Variants in MYOM2 observed in about 807,000 individuals in gnomAD.
The protein encoded by MYOM2 is myomesin-2.
Under a neutral mutation model 187.6 loss-of-function variants are expected in MYOM2, and 254 were observed. The ratio of observed to expected loss-of-function variants is 1.35; its 90% CI spans 1.22 to 1.50. MYOM2 has a LOEUF of 1.50. Ranked by LOEUF, MYOM2 falls within the 40% of genes most tolerant of loss-of-function variation. MYOM2 has a pLI of 0.00. For synonymous variants in MYOM2, 981 were observed against 753.8 expected (o/e 1.30, Z -4.94); for missense variants, 2,796 against 1,924.0 (o/e 1.45, Z -8.48).
intron 17 of MYOM2, among the ~76,000 whole-genome samples, chr8:2,095,520 G>A (rs146620482): frequency 2.0e-4 from 30 of 152,166 alleles, no homozygotes; most frequent in Non-Finnish European, 3.5e-4. Flanking sequence ...TCAAACTCAG[G>A]AGCTTAAGCA....
At position 2,109,449 on chromosome 8, in the gene MYOM2, G is replaced by A. The variant is rs776234545; in HGVS notation, c.3098G>A (p.Arg1033His). 2.5e-5 allele frequency: 40 copies of A among 1,612,642 alleles called. No individual in the cohort carries two copies. The highest frequency in any genetic ancestry group is 2.6e-5 in the Non-Finnish European group (31 of 1,179,444). ...AYEIFDKGRV[R>H]FWLQAEHLSP... ...GAGATTTTTGATAAGGGGCGGGTTC[G>A]CTTCTGGCTCCAGGCTGAGCACTTA... Residue 1033 changes from arginine (R) to histidine (H), a missense_variant, in exon 25 of 37, where the codon CGC (arginine) becomes CAC (histidine). Physicochemically the swap from Arg to His is conservative, Grantham distance 29. Transcript: ENST00000262113.
chr8:2,120,009 G>T (rs965498202), intron 28 of MYOM2, among the ~76,000 whole-genome samples: 2 of 152,194 alleles, frequency 1.3e-5, no homozygotes, highest in Non-Finnish European at 2.9e-5. Flanking sequence ...ACAGTGGGGG[G>T]AGTGGCAGGA....
intron 1 of MYOM2, among the ~76,000 whole-genome samples, chr8:2,049,066 C>G (rs1463091640): frequency 1.3e-5 from 2 of 152,168 alleles, no homozygotes; most frequent in Non-Finnish European, 2.9e-5. Context: ...GCTGGGTTTA[C>G]AGGTGTGAGC....
At chr8:2,085,181 A>G in intron 13 of MYOM2, 82 bp from the exon 14 acceptor site, 1 of 1,518,424 alleles carries the variant, frequency 6.6e-7, no homozygotes, top group South Asian at 1.3e-5. Context: ...CCCACGTGGC[A>G]GAGTCCTCCA....
Position 2,045,168 on chromosome 8 carries a change from G to C in MYOM2, c.-13G>C. 1 of 152,326 alleles carries C rather than the reference G, an allele frequency of 6.6e-6. No homozygotes were observed. The highest frequency in any genetic ancestry group is 1.9e-4 in the East Asian group (1 of 5,194). 9.4% of individuals were successfully genotyped at this position (152,326 alleles called of 1,614,324 possible). A position where few individuals can be genotyped will look rare whatever the true frequency, so the allele number is the denominator to read the frequency against. On this transcript the variant is annotated splice_region_variant and 5_prime_UTR_variant, in exon 1 of 37. Coordinates refer to ENST00000262113, the MANE Select transcript of MYOM2 (RefSeq NM_003970.4). Reference sequence around the variant, plus strand: ...TCCTTGCAATTTTCCTTTCTGTCTGGGTAAGTGTCTTTCTCTTCTTGCCTT... The same window carrying C: ...TCCTTGCAATTTTCCTTTCTGTCTGCGTAAGTGTCTTTCTCTTCTTGCCTT...
At chr8:2,056,622 A>G (rs567696836) in intron 3 of MYOM2, among the ~76,000 whole-genome samples, 1 of 152,236 alleles carries the variant, frequency 6.6e-6, no homozygotes, top group South Asian at 2.1e-4. Context: ...TTTAAACTCA[A>G]AATACTTTAA....
chr8:2,123,222 C>T, intron 28 of MYOM2, 30 bp from the exon 29 acceptor site: 1 of 1,396,034 alleles, frequency 7.2e-7, no homozygotes, highest in Non-Finnish European at 1.0e-6. Context: ...GAATGATTTA[C>T]ACACTAAACT....
chr8:2,094,974 A>T (rs1247505889), intron 17 of MYOM2, among the ~76,000 whole-genome samples: 1 of 152,164 alleles, frequency 6.6e-6, no homozygotes, highest in East Asian at 1.9e-4. Flanking sequence ...CATACTCAGA[A>T]ACATTTTGAA....
chr8:2,087,794 T>A (rs1796146399), intron 14 of MYOM2, among the ~76,000 whole-genome samples: 1 of 152,030 alleles, frequency 6.6e-6, no homozygotes, highest in South Asian at 2.1e-4. Context: ...GATTTTTAAA[T>A]TTTTTTTATA....
chr8:2,073,424 C>T lies in MYOM2; in HGVS notation c.1044C>T (p.Asp348=), dbSNP rs140772856. Reference sequence around the variant, plus strand: ...TGTCCTTCAGCCACCTGCACAAGGACGACGAGGGCCTGTACACCCTGCGCA... The same window carrying T: ...TGTCCTTCAGCCACCTGCACAAGGATGACGAGGGCCTGTACACCCTGCGCA... ...ASLSFSHLHK[D]DEGLYTLRIV... The change falls in exon 10 of 37, where the codon GAC becomes GAT. Residue 348 remains aspartate (D), a synonymous_variant. Coordinates refer to ENST00000262113, the MANE Select transcript of MYOM2 (RefSeq NM_003970.4). 284 of 1,612,986 alleles carry T rather than the reference C, an allele frequency of 1.8e-4. 1 individual carries two copies. The highest frequency in any genetic ancestry group is 1.0e-3 in the African/African-American group (78 of 75,018).
rs748237067 is a variant in MYOM2 at position 2,085,395 on chromosome 8, A to T, written c.1644+5A>T. On this transcript the variant is annotated splice_donor_5th_base_variant and intron_variant, in intron 14 of 36. Coordinates refer to ENST00000262113, the MANE Select transcript of MYOM2 (RefSeq NM_003970.4). ...CTCATGTACTTCATTGAGAAGGTAA[A>T]CTCCGGGCCCGTGTCCTGGAAAAGT... 2.5e-6 allele frequency: 4 copies of T among 1,602,858 alleles called. No homozygotes were observed. In the South Asian group the frequency reaches 4.4e-5, roughly 18 times the overall value.
chr8:2,046,872 C>T (rs1818328846), intron 1 of MYOM2, among the ~76,000 whole-genome samples: 1 of 151,820 alleles, frequency 6.6e-6, no homozygotes, highest in African/African-American at 2.4e-5. Flanking sequence ...CTGATCGGCC[C>T]AGGTCCTGTC....
At chr8:2,132,364 A>G (rs140222676) in intron 32 of MYOM2, among the ~76,000 whole-genome samples, 10 of 152,248 alleles carry the variant, frequency 6.6e-5, no homozygotes, top group Admixed American at 6.5e-4. Flanking sequence ...GCTATAGAAC[A>G]TGTCACTTTA....
chr8:2,138,217 C>T (rs1798148148), intron 32 of MYOM2, among the ~76,000 whole-genome samples: 1 of 152,180 alleles, frequency 6.6e-6, no homozygotes, highest in South Asian at 2.1e-4. Flanking sequence ...TTAATGTAAG[C>T]GCCAGCCTGC....
In MYOM2 at chr8:2,073,501, G is replaced by T. The variant is rs372949130; in HGVS notation, c.1120+1G>T. The T allele has an allele frequency of 6.3e-6, 10 of 1,599,292 alleles. No homozygotes were observed. Among genetic ancestry groups the T allele is most frequent in the Admixed American group, 1.7e-5 (1 of 59,258 alleles). ...CACAGCGCCTTCCTGTTTGTCAGAG[G>T]TGCGGGCAGCAGGGTTCTCAGGGTG... On this transcript the variant is annotated splice_donor_variant, in intron 10 of 36. Coordinates refer to ENST00000262113, the MANE Select transcript of MYOM2 (RefSeq NM_003970.4). LOFTEE classifies it high-confidence loss of function.
intron 8 of MYOM2, among the ~76,000 whole-genome samples, chr8:2,069,713 C>T (rs1466331372): frequency 6.6e-6 from 1 of 152,040 alleles, no homozygotes; most frequent in East Asian, 1.9e-4. Context: ...TTACAAAAAT[C>T]ATTTCAGAGA....
intron 3 of MYOM2, among the ~76,000 whole-genome samples, chr8:2,054,212 C>G (rs1168834737): frequency 6.6e-6 from 1 of 152,210 alleles, no homozygotes; most frequent in African/African-American, 2.4e-5. Flanking sequence ...TGTGGGCTCA[C>G]TGATGTGAGT....
At chr8:2,087,522 G>T (rs1359102259) in intron 14 of MYOM2, among the ~76,000 whole-genome samples, 1 of 152,194 alleles carries the variant, frequency 6.6e-6, no homozygotes, top group Admixed American at 6.5e-5. Flanking sequence ...CAGTCCCTCT[G>T]TGGGGTCTCC....
chr8:2,072,313 C>G, intron 8 of MYOM2, 32 bp from the exon 9 acceptor site: 1 of 1,592,962 alleles, frequency 6.3e-7, no homozygotes. Context: ...CTCTGCCCTT[C>G]GGCCCTGAAA....
Sources: gnomAD v4.1 joint callset for allele counts (sites outside exome capture counted in the v4.1 genomes callset) on GRCh38, gnomAD v4.1.1 for gene constraint, MANE v1.5 for transcripts, NCBI Gene and HGNC (gene_info 2026-07-23, HGNC 2026-07-21) for gene names.